TMEM178B: variants seen among roughly 807,000 people sequenced by gnomAD.
The protein encoded by TMEM178B is transmembrane protein 178B.
TMEM178B carries 5 observed loss-of-function variants against 31.0 expected under a neutral mutation model. That is an observed-to-expected ratio of 0.16 (90% CI 0.08 to 0.34). The LOEUF (loss-of-function observed/expected upper bound fraction) is 0.34, where lower values mean the gene tolerates loss of function less well. Ranked by LOEUF, TMEM178B falls within the 10% of genes least tolerant of loss-of-function variation. The pLI is 1.00. For missense variants in TMEM178B, 275 were observed against 400.3 expected (o/e 0.69, Z 2.67); for synonymous variants, 164 against 164.0 (o/e 1.00, Z 0.00).
At chr7:141,101,908 CGTGTGT>C (rs3032868) in intron 1 of TMEM178B, among the ~76,000 whole-genome samples, 5,018 of 142,748 alleles carry the variant, frequency 0.035, 228 homozygotes, top group African/African-American at 0.11. Flanking sequence ...TGTGTGTTAA[CGTGTGT>C]GTGTGTGTGT....
intron 3 of TMEM178B, among the ~76,000 whole-genome samples, chr7:141,451,898 T>C (rs1260258014): frequency 6.6e-6 from 1 of 152,190 alleles, no homozygotes; most frequent in Non-Finnish European, 1.5e-5. Flanking sequence ...TTCTTGGAGA[T>C]GTGCTTACTC....
the TMEM178B span, among the ~76,000 whole-genome samples, chr7:141,494,803 G>GT: frequency 6.6e-6 from 1 of 152,168 alleles, no homozygotes; most frequent in Non-Finnish European, 1.5e-5. Context: ...ATGAGTATAT[G>GT]TTTTTAAAGA....
chr7:141,481,485 A>T (rs1802473336), downstream of TMEM178B, among the ~76,000 whole-genome samples: 1 of 152,180 alleles, frequency 6.6e-6, no homozygotes, highest in Non-Finnish European at 1.5e-5. Flanking sequence ...TGGGTGTGAC[A>T]TAAACCATGA....
At chr7:141,185,224 G>T (rs1414804610) in intron 1 of TMEM178B, among the ~76,000 whole-genome samples, 1 of 152,240 alleles carries the variant, frequency 6.6e-6, no homozygotes, top group Non-Finnish European at 1.5e-5. Context: ...TAGGTGGCTT[G>T]TGTTAGCTCA....
chr7:141,297,103 C>A (rs1432974800), intron 2 of TMEM178B: 1 of 152,174 alleles, frequency 6.6e-6, no homozygotes, highest in Non-Finnish European at 1.5e-5. Context: ...AGTAACGTGA[C>A]CAAGACTTTG....
intron 1 of TMEM178B, among the ~76,000 whole-genome samples, chr7:141,124,943 G>A (rs1795466185): frequency 1.3e-5 from 2 of 152,102 alleles, no homozygotes; most frequent in African/African-American, 2.4e-5. Context: ...TTGTAAGAAA[G>A]CTTCCAGAAT....
the TMEM178B span, among the ~76,000 whole-genome samples, chr7:141,508,643 T>C: frequency 2.6e-5 from 4 of 152,226 alleles, no homozygotes; most frequent in African/African-American, 9.7e-5. Flanking sequence ...CTCAGAATCA[T>C]GGCGGGAGGC....
At chr7:141,211,018 G>A (rs966729406) in intron 1 of TMEM178B, among the ~76,000 whole-genome samples, 4 of 152,152 alleles carry the variant, frequency 2.6e-5, no homozygotes, top group African/African-American at 9.7e-5. Context: ...AATGGAAATT[G>A]TTATGGAAAT....
intron 3 of TMEM178B, among the ~76,000 whole-genome samples, chr7:141,457,751 G>T (rs1349008190): frequency 1.3e-5 from 2 of 152,190 alleles, no homozygotes; most frequent in Non-Finnish European, 2.9e-5. Flanking sequence ...AGGATTCTTT[G>T]TAATACTGAA....
chr7:141,155,946 T>G (rs1391802763), intron 1 of TMEM178B, among the ~76,000 whole-genome samples: 1 of 152,108 alleles, frequency 6.6e-6, no homozygotes, highest in Non-Finnish European at 1.5e-5. Context: ...GCACCTGTAA[T>G]CTCAACTACT....
intron 2 of TMEM178B, among the ~76,000 whole-genome samples, chr7:141,342,110 G>C (rs1054131404): frequency 2.6e-5 from 4 of 152,174 alleles, no homozygotes; most frequent in African/African-American, 9.6e-5. Context: ...ACCACACCTG[G>C]CTAATTTTTG....
chr7:141,252,737 A>C (rs761056489), intron 2 of TMEM178B, among the ~76,000 whole-genome samples: 1 of 152,228 alleles, frequency 6.6e-6, no homozygotes, highest in Non-Finnish European at 1.5e-5. Flanking sequence ...CAAAGAGACC[A>C]CAGACTGTAT....
the TMEM178B span, among the ~76,000 whole-genome samples, chr7:141,511,266 C>A: frequency 3.9e-4 from 10 of 25,948 alleles, no homozygotes; most frequent in Non-Finnish European, 6.0e-4. Context: ...TCCGTGGGCC[C>A]AAGAGAAGTC....
chr7:141,347,016 C>G (rs898381618), intron 2 of TMEM178B, among the ~76,000 whole-genome samples: 1 of 152,060 alleles, frequency 6.6e-6, no homozygotes, highest in Non-Finnish European at 1.5e-5. Flanking sequence ...TGTGGTGCCT[C>G]CCCCTTGCTC....
intron 1 of TMEM178B, among the ~76,000 whole-genome samples, chr7:141,129,658 G>C (rs1363603495): frequency 6.6e-6 from 1 of 152,190 alleles, no homozygotes; most frequent in Non-Finnish European, 1.5e-5. Context: ...TATTTGAAGA[G>C]ATATATTCTG....
At chr7:141,409,993 T>A (rs1242880692) in intron 2 of TMEM178B, among the ~76,000 whole-genome samples, 1 of 152,202 alleles carries the variant, frequency 6.6e-6, no homozygotes, top group Non-Finnish European at 1.5e-5. Context: ...TTGTCTTTGC[T>A]TAGCCCTGGG....
chr7:141,465,981 C>T (rs1206117357), intron 3 of TMEM178B, among the ~76,000 whole-genome samples: 2 of 152,172 alleles, frequency 1.3e-5, no homozygotes, highest in Admixed American at 6.5e-5. Context: ...TATGATTGTA[C>T]CACTGCACTC....
chr7:141,485,819 G>A, the TMEM178B span, among the ~76,000 whole-genome samples: 30 of 152,198 alleles, frequency 2.0e-4, no homozygotes, highest in Admixed American at 9.2e-4. Context: ...CAGCCCCTAC[G>A]GTGATAATAT....
the TMEM178B span, among the ~76,000 whole-genome samples, chr7:141,507,026 A>G: frequency 2.0e-5 from 3 of 152,178 alleles, no homozygotes; most frequent in African/African-American, 7.2e-5. Context: ...CTGATACAAG[A>G]GGTGGGTTAC....
Sources: allele counts gnomAD v4.1 joint callset (sites outside exome capture counted in the v4.1 genomes callset), GRCh38; gene constraint gnomAD v4.1.1; transcripts MANE v1.5; gene names NCBI Gene and HGNC (gene_info 2026-07-23, HGNC 2026-07-21).